ALCAM: variants seen among roughly 807,000 people sequenced by gnomAD.
ALCAM encodes the protein activated leukocyte cell adhesion molecule, also known as CD166 antigen.
In ALCAM, 30 loss-of-function variants were observed where a neutral mutation model predicts 70.9. The ratio of observed to expected loss-of-function variants is 0.42; its 90% CI spans 0.32 to 0.57. ALCAM has a LOEUF of 0.57. Among genes scored for constraint, ALCAM ranks in the 20% least tolerant of loss-of-function variants. ALCAM has a pLI of 0.11. For missense variants in ALCAM, 591 were observed against 695.1 expected (o/e 0.85, Z 1.68); for synonymous variants, 249 against 242.5 (o/e 1.03, Z -0.25).
chr3:105,380,974 T>C (rs1935505010), intron 1 of ALCAM, among the ~76,000 whole-genome samples: 1 of 151,970 alleles, frequency 6.6e-6, no homozygotes, highest in Non-Finnish European at 1.5e-5. Context: ...TTTGAGAATA[T>C]GGTGTCTGTA....
intron 14 of ALCAM, among the ~76,000 whole-genome samples, chr3:105,564,183 T>A (rs1041719030): frequency 6.6e-6 from 1 of 152,130 alleles, no homozygotes; most frequent in African/African-American, 2.4e-5. Flanking sequence ...TAGGTTAAGG[T>A]GAATCATAGT....
chr3:105,393,886 A>C lies in ALCAM; in HGVS notation c.73+26405A>C, dbSNP rs146100161. Among the ~76,000 whole-genome samples the C allele has an allele frequency of 8.8e-3, 1,295 of 146,962 alleles. 17 individuals are homozygous for C. The highest frequency in any genetic ancestry group is 0.029 in the African/African-American group (1,208 of 41,088). On this transcript the variant is annotated intron_variant, in intron 1 of 15. Transcript: ENST00000306107. ...CTATTATTTATTTCCATGAAGATACATGTAAGTTTTCCACATGATTTGGAA... is the reference window on the plus strand; with the variant it reads ...CTATTATTTATTTCCATGAAGATACCTGTAAGTTTTCCACATGATTTGGAA...
intron 1 of ALCAM, among the ~76,000 whole-genome samples, chr3:105,452,756 A>G (rs559923018): frequency 2.6e-5 from 4 of 152,194 alleles, no homozygotes; most frequent in East Asian, 1.9e-4. Flanking sequence ...GACTTTAATA[A>G]TTGCCATTCT....
intron 1 of ALCAM, among the ~76,000 whole-genome samples, chr3:105,443,118 G>A (rs914764046): frequency 6.6e-6 from 1 of 152,082 alleles, no homozygotes; most frequent in Admixed American, 6.5e-5. Context: ...AAGCTACCTC[G>A]CCCAGCCAAG....
intron 1 of ALCAM, among the ~76,000 whole-genome samples, chr3:105,474,430 G>T (rs1938035723): frequency 1.3e-5 from 2 of 151,772 alleles, no homozygotes; most frequent in Admixed American, 1.3e-4. Flanking sequence ...TTTTCTGGTT[G>T]CATGAGAGGA....
chr3:105,448,888 C>T (rs1937357442), intron 1 of ALCAM, among the ~76,000 whole-genome samples: 1 of 152,090 alleles, frequency 6.6e-6, no homozygotes. Flanking sequence ...TGGATTCTGC[C>T]CGGGTGTCAA....
At chr3:105,399,389 G>A (rs1347607475) in intron 1 of ALCAM, among the ~76,000 whole-genome samples, 2 of 151,916 alleles carry the variant, frequency 1.3e-5, no homozygotes, top group African/African-American at 2.4e-5. Flanking sequence ...AAGTTTGAAA[G>A]TATAAATCAA....
chr3:105,514,809 T>A (rs9851104), intron 1 of ALCAM, among the ~76,000 whole-genome samples: 72,516 of 151,698 alleles, frequency 0.48, 17,918 homozygotes, highest in East Asian at 0.8. Flanking sequence ...TACATTATAA[T>A]GTATAACACT....
At chr3:105,393,769 G>C (rs1935880915) in intron 1 of ALCAM, among the ~76,000 whole-genome samples, 1 of 151,794 alleles carries the variant, frequency 6.6e-6, no homozygotes, top group Non-Finnish European at 1.5e-5. Context: ...CTAGATTTAG[G>C]ACTATTTGAT....
At chr3:105,389,180 A>G (rs1935733984) in intron 1 of ALCAM, among the ~76,000 whole-genome samples, 1 of 151,560 alleles carries the variant, frequency 6.6e-6, no homozygotes, top group East Asian at 1.9e-4. Flanking sequence ...ATTCAAACAG[A>G]AAAGAGGAAA....
Position 105,563,667 on chromosome 3 carries a change from C to CTTTTTT in ALCAM, c.1665-8159_1665-8154dup, listed in dbSNP as rs749625480. 2.2e-3 allele frequency among the ~76,000 whole-genome samples: 112 copies of CTTTTTT among 52,048 alleles called. 14 individuals carry two copies. The highest frequency in any genetic ancestry group is 8.7e-3 in the African/African-American group (86 of 9,896). 34.1% of individuals were successfully genotyped at this position (52,048 alleles called of 152,430 possible). A position where few individuals can be genotyped will look rare whatever the true frequency, so the allele number is the denominator to read the frequency against. On this transcript the variant is annotated intron_variant, in intron 14 of 15. Coordinates refer to ENST00000306107, the MANE Select transcript of ALCAM (RefSeq NM_001627.4). ...GACCTGTATGAAATTCCAAGCATTT[C>CTTTTTT]TTTTTTTTTTTTTTTTTTTTTTTTT...
Position 105,520,159 on chromosome 3 carries a change from T to C in ALCAM, c.166T>C (p.Trp56Arg). 1 of 1,609,160 alleles carries C rather than the reference T, an allele frequency of 6.2e-7. No homozygotes were observed. The highest frequency in any genetic ancestry group is 8.5e-7 in the Non-Finnish European group (1 of 1,175,708). ...ACCTCAGAATCTCATGTTTGGCAAA[T>C]GGAAATATGTAAGTGTGACCTACCT... ...DVPQNLMFGK[W>R]KYEKPDGSPV... Residue 56 changes from tryptophan to arginine, a missense_variant, in exon 2 of 16, where the codon TGG (tryptophan) becomes CGG (arginine). Transcript: ENST00000306107.
At chr3:105,399,822 G>C (rs1352546459) in intron 1 of ALCAM, among the ~76,000 whole-genome samples, 3 of 152,092 alleles carry the variant, frequency 2.0e-5, no homozygotes, top group Non-Finnish European at 4.4e-5. Context: ...GAAAACTTTG[G>C]CTCTTTTTCA....
At chr3:105,383,556 T>C (rs1333229064) in intron 1 of ALCAM, among the ~76,000 whole-genome samples, 1 of 151,794 alleles carries the variant, frequency 6.6e-6, no homozygotes, top group African/African-American at 2.4e-5. Context: ...TTGTTCAATT[T>C]CTTTTAAAAA....
At chr3:105,489,274 G>A (rs1938516207) in intron 1 of ALCAM, among the ~76,000 whole-genome samples, 1 of 152,122 alleles carries the variant, frequency 6.6e-6, no homozygotes, top group African/African-American at 2.4e-5. Context: ...AGAGGGTGCG[G>A]TGCCGAGATT....
At position 105,541,620 on chromosome 3, in the gene ALCAM, C is replaced by T; in HGVS notation, c.859-13C>T. On this transcript the variant is annotated splice_polypyrimidine_tract_variant and intron_variant, in intron 7 of 15. Transcript: ENST00000306107. ...CCAAGTATAATCATCTGACATTTTGCCTCTATCAAAAGGGACAGCCCGAAG... is the reference window on the plus strand; with the variant it reads ...CCAAGTATAATCATCTGACATTTTGTCTCTATCAAAAGGGACAGCCCGAAG... 1.9e-6 allele frequency: 3 copies of T among 1,609,818 alleles called. No individual in the cohort carries two copies. The highest frequency in any genetic ancestry group is 2.5e-6 in the Non-Finnish European group (3 of 1,177,642).
chr3:105,503,650 T>C (rs1488142473), intron 1 of ALCAM, among the ~76,000 whole-genome samples: 1 of 152,138 alleles, frequency 6.6e-6, no homozygotes, highest in Non-Finnish European at 1.5e-5. Flanking sequence ...GAACCAAAAA[T>C]CCTTTTGTTG....
chr3:105,368,513 T>C (rs1358930990), intron 1 of ALCAM, among the ~76,000 whole-genome samples: 1 of 152,094 alleles, frequency 6.6e-6, no homozygotes, highest in Non-Finnish European at 1.5e-5. Context: ...CAGTTGCCAG[T>C]TAAACTCCTA....
In ALCAM at chr3:105,533,030, G is replaced by A. The variant is rs556870026; in HGVS notation, c.460-573G>A. Among the ~76,000 whole-genome samples, 203 of 152,190 alleles carry A rather than the reference G, an allele frequency of 1.3e-3. 1 individual carries two copies. Among genetic ancestry groups the A allele is most frequent in the African/African-American group, 4.7e-3 (194 of 41,528 alleles). On this transcript the variant is annotated intron_variant, in intron 4 of 15. Coordinates refer to ENST00000306107, the MANE Select transcript of ALCAM (RefSeq NM_001627.4). Reference sequence around the variant, plus strand: ...AAAATACCAAAGTTTTCCTTTGTTGGGAGATGGAAACCCAAGTCCTACATT... The same window carrying A: ...AAAATACCAAAGTTTTCCTTTGTTGAGAGATGGAAACCCAAGTCCTACATT...
Sources: allele counts gnomAD v4.1 joint callset (sites outside exome capture counted in the v4.1 genomes callset), GRCh38; gene constraint gnomAD v4.1.1; transcripts MANE v1.5; gene names NCBI Gene and HGNC (gene_info 2026-07-23, HGNC 2026-07-21).